PRKCE: variants seen among roughly 807,000 people sequenced by gnomAD.
PRKCE encodes protein kinase C epsilon type.
PRKCE carries 16 observed loss-of-function variants against 85.4 expected under a neutral mutation model. The observed-to-expected ratio is 0.19, with a 90% confidence interval of 0.13 to 0.28. PRKCE has a LOEUF of 0.28. PRKCE is among the 10% of genes least tolerant of loss of function. The probability of loss-of-function intolerance (pLI) is 1.00; values close to 1 mark genes in which losing one functional copy is unlikely to be tolerated. For synonymous variants in PRKCE, 388 were observed against 371.5 expected, an observed-to-expected ratio of 1.04 and a Z score of -0.51; for missense variants, 573 against 975.2, an observed-to-expected ratio of 0.59 and a Z score of 5.49.
At chr2:45,777,968 C>T (rs764001528) in intron 1 of PRKCE, among the ~76,000 whole-genome samples, 51 of 152,138 alleles carry the variant, frequency 3.4e-4, no homozygotes, top group Non-Finnish European at 6.9e-4. Flanking sequence ...CATGGGAAGA[C>T]TTGGCACCGA....
At chr2:46,106,164 A>G (rs1325952006) in intron 11 of PRKCE, among the ~76,000 whole-genome samples, 1 of 152,204 alleles carries the variant, frequency 6.6e-6, no homozygotes, top group Admixed American at 6.5e-5. Context: ...TAGTGGACCT[A>G]TGTAGTTGAA....
intron 1 of PRKCE, among the ~76,000 whole-genome samples, chr2:45,732,532 A>G (rs920257444): frequency 6.6e-6 from 1 of 151,930 alleles, no homozygotes; most frequent in African/African-American, 2.4e-5. Context: ...TCTATAATAT[A>G]TATTATATGT....
chr2:45,680,537 C>T (rs1217149514), intron 1 of PRKCE, among the ~76,000 whole-genome samples: 2 of 152,094 alleles, frequency 1.3e-5, no homozygotes, highest in African/African-American at 4.8e-5. Flanking sequence ...TACATGCTTG[C>T]GACATGGTGA....
chr2:45,985,864 G>T (rs1452812500), intron 6 of PRKCE, among the ~76,000 whole-genome samples: 2 of 152,264 alleles, frequency 1.3e-5, no homozygotes, highest in African/African-American at 2.4e-5. Context: ...CTGTCCACCT[G>T]TTGGACATTC....
In PRKCE at chr2:46,001,345, A is replaced by G; in HGVS notation, c.824-59A>G. The G allele has an allele frequency of 3.3e-6, 5 of 1,506,712 alleles. No individual in the cohort carries two copies. In the Admixed American group the frequency reaches 7.9e-5, roughly 24 times the overall value. 93.3% of individuals were successfully genotyped at this position (1,506,712 alleles called of 1,614,324 possible). A position where few individuals can be genotyped will look rare whatever the true frequency, so the allele number is the denominator to read the frequency against. ...GAACATATAATACAATCTCAAAGAA[A>G]AGAAGCAACATCTTAGGCCATGAAC... On this transcript the variant is annotated intron_variant, in intron 6 of 14. Transcript: ENST00000306156. This position sits in a 1 kb window ranked among gnomAD's most constrained non-coding sequence, Gnocchi z 4.4.
At chr2:46,154,619 T>C (rs1677019295) in intron 13 of PRKCE, among the ~76,000 whole-genome samples, 1 of 151,972 alleles carries the variant, frequency 6.6e-6, no homozygotes, top group Non-Finnish European at 1.5e-5. Flanking sequence ...TGGGACTGGG[T>C]CTCCTCTGGC....
At chr2:45,751,674 A>G (rs1172859973) in intron 1 of PRKCE, among the ~76,000 whole-genome samples, 4 of 152,160 alleles carry the variant, frequency 2.6e-5, no homozygotes, top group African/African-American at 9.7e-5. Flanking sequence ...AGATGTCAGA[A>G]TGTAATCGAC....
chr2:46,057,752 A>G (rs72876181), intron 10 of PRKCE, among the ~76,000 whole-genome samples: 6,477 of 151,862 alleles, frequency 0.043, 356 homozygotes, highest in African/African-American at 0.13. Context: ...GTTTATTTTA[A>G]TTTGTATTTT....
At chr2:45,999,712 C>A (rs1487401089) in intron 6 of PRKCE, among the ~76,000 whole-genome samples, 2 of 151,938 alleles carry the variant, frequency 1.3e-5, no homozygotes, top group East Asian at 3.9e-4. Context: ...CTGTTCCTTT[C>A]TCTTTCTTCT....
chr2:46,005,305 G>A (rs1487738770), intron 8 of PRKCE, among the ~76,000 whole-genome samples: 1 of 152,134 alleles, frequency 6.6e-6, no homozygotes, highest in Non-Finnish European at 1.5e-5. Flanking sequence ...GAATGATGAG[G>A]CTGAGGAGGG....
chr2:46,182,806 C>G (rs1017942440), intron 14 of PRKCE, among the ~76,000 whole-genome samples: 1 of 152,266 alleles, frequency 6.6e-6, no homozygotes, highest in East Asian at 1.9e-4. Context: ...TGCTTGCCTA[C>G]TGGCAGGCCT....
chr2:45,817,537 CA>C (rs59129702), intron 1 of PRKCE, among the ~76,000 whole-genome samples: 98,592 of 151,632 alleles, frequency 0.65, 32,345 homozygotes, highest in Middle Eastern at 0.73. Context: ...AATAAAAATA[CA>C]AAAAAATCAG....
intron 2 of PRKCE, among the ~76,000 whole-genome samples, chr2:45,893,356 T>TC (rs1695882019): frequency 1.7e-5 from 1 of 59,222 alleles, no homozygotes; most frequent in African/African-American, 6.5e-5. Context: ...TTCTTTTCTT[T>TC]TTTTTTTTTT....
intron 11 of PRKCE, among the ~76,000 whole-genome samples, chr2:46,099,754 T>C (rs1251221219): frequency 6.6e-6 from 1 of 152,164 alleles, no homozygotes; most frequent in Non-Finnish European, 1.5e-5. Context: ...GACTAACCTA[T>C]TTACATTTAT....
At chr2:46,045,886 A>G (rs941034782) in intron 10 of PRKCE, among the ~76,000 whole-genome samples, 3 of 152,160 alleles carry the variant, frequency 2.0e-5, no homozygotes, top group South Asian at 2.1e-4. Flanking sequence ...AATAAAAAAA[A>G]AAGAAGAAGA....
rs188304674 is a variant in PRKCE, at chr2:45,745,761, C to T, written c.348+93313C>T. 3.0e-3 allele frequency among the ~76,000 whole-genome samples: 464 copies of T among 152,228 alleles called. 2 individuals are homozygous for T. The highest frequency in any genetic ancestry group is 0.011 in the African/African-American group (446 of 41,522). On this transcript the variant is annotated intron_variant, in intron 1 of 14. Transcript: ENST00000306156. Reference sequence around the variant, plus strand: ...GTGTGGACCAGCCCCTGAGTGTGTCCTCAGTATCTGAACAGTGGTGAGGTG... The same window carrying T: ...GTGTGGACCAGCCCCTGAGTGTGTCTTCAGTATCTGAACAGTGGTGAGGTG...
intron 2 of PRKCE, among the ~76,000 whole-genome samples, chr2:45,922,138 G>A (rs1316912135): frequency 6.6e-6 from 1 of 152,180 alleles, no homozygotes; most frequent in Non-Finnish European, 1.5e-5. Flanking sequence ...CCTCTAGGAG[G>A]TCAAGTTGAA....
intron 1 of PRKCE, among the ~76,000 whole-genome samples, chr2:45,809,138 C>T (rs1179701267): frequency 1.3e-5 from 2 of 152,082 alleles, no homozygotes; most frequent in Non-Finnish European, 2.9e-5. Flanking sequence ...TAGACTAGGG[C>T]CCCCTTCTAG....
chr2:46,123,059 A>G (rs971812727), intron 11 of PRKCE, among the ~76,000 whole-genome samples: 2 of 149,154 alleles, frequency 1.3e-5, no homozygotes, highest in Non-Finnish European at 3.0e-5. Flanking sequence ...CATTGTGGCA[A>G]TATTACTGCC....
Sources: gnomAD v4.1 joint callset for allele counts (sites outside exome capture counted in the v4.1 genomes callset) on GRCh38, gnomAD v4.1.1 for gene constraint, Gnocchi (gnomAD v3.1) non-coding constraint, MANE v1.5 for transcripts, NCBI Gene and HGNC (gene_info 2026-07-23, HGNC 2026-07-21) for gene names.